Variants in NPNT observed in about 807,000 individuals in gnomAD.
The protein encoded by NPNT is preosteoblast EGF-like repeat protein with MAM domain.
In NPNT, 45 loss-of-function variants were observed where a neutral mutation model predicts 68.6. The ratio of observed to expected loss-of-function variants is 0.66; its 90% CI spans 0.52 to 0.84. The LOEUF (loss-of-function observed/expected upper bound fraction) is 0.84. NPNT is among the 40% of genes least tolerant of loss of function. NPNT has a pLI of 0.00. For synonymous variants in NPNT, 233 were observed against 253.3 expected (o/e 0.92, Z 0.76); for missense variants, 672 against 714.8 (o/e 0.94, Z 0.68).
intron 2 of NPNT, among the ~76,000 whole-genome samples, chr4:105,910,812 C>A (rs1727302983): frequency 6.6e-6 from 1 of 151,930 alleles, no homozygotes; most frequent in Non-Finnish European, 1.5e-5. Flanking sequence ...AAAAATATGA[C>A]CCAACCTTAA....
chr4:105,927,677 T>A, intron 3 of NPNT: 1 of 210,342 alleles, frequency 4.8e-6, no homozygotes, highest in South Asian at 9.8e-5. Context: ...AAAGAATCCC[T>A]GCATCAGTAA....
intron 2 of NPNT, among the ~76,000 whole-genome samples, chr4:105,908,310 AT>A (rs1727081250): frequency 1.3e-5 from 2 of 152,024 alleles, no homozygotes; most frequent in South Asian, 4.2e-4. Context: ...CAAACACTTC[AT>A]TTGATCAATA....
In NPNT at chr4:105,971,522, A is replaced by G. The variant is rs1282209722; in HGVS notation, c.*2532A>G. Reference sequence around the variant, plus strand: ...AATTTTACTTTTCGATGCCAATGATACATTGCACTAAACTGATGGAAGAAG... The same window carrying G: ...AATTTTACTTTTCGATGCCAATGATGCATTGCACTAAACTGATGGAAGAAG... On this transcript the variant is annotated 3_prime_UTR_variant, in exon 12 of 12. Transcript: ENST00000379987. 2 of 175,004 alleles carry G rather than the reference A, an allele frequency of 1.1e-5. No individual in the cohort carries two copies. Among genetic ancestry groups the G allele is most frequent in the Non-Finnish European group, 2.5e-5 (2 of 79,564 alleles). The allele number at this position is 175,004 out of a possible 1,614,324, so 10.8% of individuals were successfully genotyped here.
intron 2 of NPNT, among the ~76,000 whole-genome samples, chr4:105,911,213 GAAA>G (rs544883001): frequency 1.4e-5 from 2 of 146,250 alleles, no homozygotes; most frequent in Admixed American, 1.4e-4. Context: ...TGACCAATAT[GAAA>G]AAAAAAAGTC....
rs536897860 is a variant in NPNT, at chr4:105,924,041, C to A, written c.173-3295C>A. Among the ~76,000 whole-genome samples the A allele has an allele frequency of 4.6e-4, 63 of 135,740 alleles. 1 individual carries two copies. Among genetic ancestry groups the A allele is most frequent in the African/African-American group, 1.1e-3 (32 of 30,228 alleles). 89.1% of individuals were successfully genotyped at this position (135,740 alleles called of 152,430 possible). ...TAAGAAGCAGTCCCCTTTGCTGCGC[C>A]CCCCCCCCACCACTTTGCTTATATT... On this transcript the variant is annotated intron_variant, in intron 2 of 11. Coordinates refer to ENST00000379987, the MANE Select transcript of NPNT (RefSeq NM_001033047.3).
chr4:105,934,508 G>A (rs1306148828), intron 3 of NPNT, among the ~76,000 whole-genome samples: 1 of 152,206 alleles, frequency 6.6e-6, no homozygotes, highest in Non-Finnish European at 1.5e-5. Context: ...AAGGGTCATT[G>A]TGAAGTTTTT....
intron 2 of NPNT, among the ~76,000 whole-genome samples, chr4:105,901,034 C>T (rs1726376620): frequency 6.6e-6 from 1 of 152,118 alleles, no homozygotes; most frequent in Non-Finnish European, 1.5e-5. Flanking sequence ...CAGCACACAG[C>T]ATCTTAAACC....
chr4:105,966,912 A>G (rs1732190226), intron 10 of NPNT, among the ~76,000 whole-genome samples: 1 of 152,126 alleles, frequency 6.6e-6, no homozygotes, highest in South Asian at 2.1e-4. Context: ...GTCTGATCAT[A>G]TTCCACTGGA....
intron 8 of NPNT, among the ~76,000 whole-genome samples, chr4:105,949,531 A>G (rs1730650286): frequency 6.6e-6 from 1 of 152,106 alleles, no homozygotes; most frequent in Non-Finnish European, 1.5e-5. Context: ...CTGTATGGAC[A>G]CCATAGGTTT....
intron 3 of NPNT, among the ~76,000 whole-genome samples, chr4:105,934,106 T>G (rs2149363835): frequency 6.6e-6 from 1 of 152,220 alleles, no homozygotes; most frequent in East Asian, 1.9e-4. Flanking sequence ...TATCAACTTT[T>G]AAGATTTATT....
At chr4:105,923,132 A>G (rs1348183776) in intron 2 of NPNT, among the ~76,000 whole-genome samples, 2 of 152,216 alleles carry the variant, frequency 1.3e-5, no homozygotes, top group Non-Finnish European at 2.9e-5. Flanking sequence ...GGGATGACCT[A>G]CTATTCACAG....
At position 105,898,380 on chromosome 4, in the gene NPNT, C is replaced by CTCTCTT. The variant is rs58673636; in HGVS notation, c.172+379_172+380insTCTCTT. ...TCTCTCTCTCTCTCTCTCTCTCTCT[C>CTCTCTT]GCTGACTCGCTTGCTCCAGGCTGGG... On this transcript the variant is annotated intron_variant, in intron 2 of 11. Coordinates refer to ENST00000379987, the MANE Select transcript of NPNT (RefSeq NM_001033047.3). Among the ~76,000 whole-genome samples the CTCTCTT allele has an allele frequency of 1.5e-3, 165 of 112,510 alleles. 10 individuals are homozygous for CTCTCTT. The highest frequency in any genetic ancestry group is 6.7e-3 in the African/African-American group (154 of 23,038). The allele number at this position is 112,510 out of a possible 152,430, so 73.8% of individuals were successfully genotyped here.
At chr4:105,942,862 C>G (rs1442373021) in intron 8 of NPNT, among the ~76,000 whole-genome samples, 160 bp downstream of exon 8, 3 of 152,154 alleles carry the variant, frequency 2.0e-5, no homozygotes, top group African/African-American at 4.8e-5. Context: ...CATAAAGAGT[C>G]AGTCTAATTG....
At chr4:105,919,608 G>A (rs752398399) in intron 2 of NPNT, among the ~76,000 whole-genome samples, 12 of 151,618 alleles carry the variant, frequency 7.9e-5, no homozygotes, top group South Asian at 2.1e-4. Flanking sequence ...TTTGCTTCTC[G>A]ACAATGATAT....
chr4:105,936,880 T>C lies in NPNT; in HGVS notation c.266-129T>C, dbSNP rs996388855. On this transcript the variant is annotated intron_variant, in intron 3 of 11. Coordinates refer to ENST00000379987, the MANE Select transcript of NPNT (RefSeq NM_001033047.3). ...TTGCATGAACAGGATCTATCTCTTA[T>C]GTAAATGACAGTTACTGTAGCTTGA... 1.5e-5 allele frequency: 13 copies of C among 886,928 alleles called. No homozygotes were observed. The African/African-American group carries it at 1.5e-4, about 11-fold the overall frequency. 54.9% of individuals were successfully genotyped at this position (886,928 alleles called of 1,614,324 possible).
At chr4:105,950,606 T>G (rs1401343248) in intron 8 of NPNT, among the ~76,000 whole-genome samples, 4 of 151,792 alleles carry the variant, frequency 2.6e-5, no homozygotes, top group Non-Finnish European at 5.9e-5. Flanking sequence ...CCCAGCTAAT[T>G]TTTTTTGTAA....
intron 8 of NPNT, among the ~76,000 whole-genome samples, chr4:105,945,015 G>A (rs557030295): frequency 1.3e-5 from 2 of 152,108 alleles, no homozygotes; most frequent in Admixed American, 6.6e-5. Flanking sequence ...CTTATTCTCC[G>A]AGACAGGTCT....
intron 8 of NPNT, among the ~76,000 whole-genome samples, chr4:105,942,991 A>C (rs1730109058): frequency 6.6e-6 from 1 of 152,254 alleles, no homozygotes; most frequent in South Asian, 2.1e-4. Context: ...GAAAACTCTC[A>C]GAGGTGGGAA....
At chr4:105,948,798 G>T (rs1301856685) in intron 8 of NPNT, among the ~76,000 whole-genome samples, 1 of 151,930 alleles carries the variant, frequency 6.6e-6, no homozygotes, top group Non-Finnish European at 1.5e-5. Context: ...AATTCTTACT[G>T]TGTTGCCCAG....
Sources: allele counts gnomAD v4.1 joint callset (sites outside exome capture counted in the v4.1 genomes callset), GRCh38; gene constraint gnomAD v4.1.1; transcripts MANE v1.5; gene names NCBI Gene and HGNC (gene_info 2026-07-23, HGNC 2026-07-21).